The following SCHIP1 variants were observed in gnomAD, a reference collection of about 807,000 sequenced individuals.
SCHIP1 encodes schwannomin-interacting protein 1.
A neutral mutation model predicts 29.7 loss-of-function variants in SCHIP1; 8 were observed. That is an observed-to-expected ratio of 0.27 (90% confidence interval 0.16 to 0.49). SCHIP1 has a LOEUF of 0.49. Among genes scored for constraint, SCHIP1 ranks in the 20% least tolerant of loss-of-function variants. The pLI is 0.99. For synonymous variants in SCHIP1, 76 were observed against 94.9 expected, an observed-to-expected ratio of 0.80 and a Z score of 1.16; for missense variants, 193 against 294.6, an observed-to-expected ratio of 0.66 and a Z score of 2.52.
the SCHIP1 span, among the ~76,000 whole-genome samples, chr3:159,402,526 C>A: frequency 3.3e-5 from 5 of 152,128 alleles, no homozygotes; most frequent in Admixed American, 2.6e-4. Flanking sequence ...GACTTGGAAC[C>A]AACCCAAATG....
chr3:159,812,572 C>G, the SCHIP1 span, among the ~76,000 whole-genome samples: 1 of 151,986 alleles, frequency 6.6e-6, no homozygotes, highest in Admixed American at 6.6e-5. Context: ...CAGTCAGTAC[C>G]GTATGTATAT....
At chr3:159,790,958 A>G in the SCHIP1 span, among the ~76,000 whole-genome samples, 1 of 152,194 alleles carries the variant, frequency 6.6e-6, no homozygotes, top group Non-Finnish European at 1.5e-5. Flanking sequence ...AGAATCCTGC[A>G]ATTATCCTCA....
At chr3:159,721,794 G>C in the SCHIP1 span, 1 of 432,350 alleles carries the variant, frequency 2.3e-6, no homozygotes, top group Non-Finnish European at 4.5e-6. Context: ...CCCCAGCTGG[G>C]CTTTGGCATC....
the SCHIP1 span, among the ~76,000 whole-genome samples, chr3:159,614,392 CTTTT>C: frequency 1.2e-3 from 184 of 152,266 alleles, no homozygotes; most frequent in African/African-American, 4.3e-3. Context: ...GTTTCCCTTT[CTTTT>C]TTGACTACAA....
At chr3:159,277,843 G>T in the SCHIP1 span, among the ~76,000 whole-genome samples, 2 of 151,890 alleles carry the variant, frequency 1.3e-5, no homozygotes, top group African/African-American at 2.4e-5. Context: ...TGAACCCACT[G>T]GGTGGAGGTT....
chr3:159,738,137 G>A, the SCHIP1 span, among the ~76,000 whole-genome samples: 5 of 151,716 alleles, frequency 3.3e-5, 1 homozygote, highest in Middle Eastern at 6.8e-3. Flanking sequence ...TTGTATTTGT[G>A]TCTAATGCAT....
At chr3:159,814,762 C>T in the SCHIP1 span, among the ~76,000 whole-genome samples, 11 of 152,310 alleles carry the variant, frequency 7.2e-5, no homozygotes, top group South Asian at 2.1e-4. Context: ...AAGCTGGAAC[C>T]GGAAGATCTG....
the SCHIP1 span, among the ~76,000 whole-genome samples, chr3:159,626,400 A>G: frequency 6.6e-6 from 1 of 151,640 alleles, no homozygotes; most frequent in Non-Finnish European, 1.5e-5. Flanking sequence ...CTCAGGGGCT[A>G]TATCACTTAC....
chr3:159,278,445 A>AT, the SCHIP1 span, among the ~76,000 whole-genome samples: 1 of 152,238 alleles, frequency 6.6e-6, no homozygotes, highest in African/African-American at 2.4e-5. Context: ...TATCTCTAGC[A>AT]TAGAGATACT....
chr3:159,438,821 C>T, the SCHIP1 span, among the ~76,000 whole-genome samples: 6 of 152,290 alleles, frequency 3.9e-5, no homozygotes, highest in African/African-American at 1.2e-4. Context: ...GACATGATCT[C>T]ATTCCTTTTT....
chr3:159,502,226 T>C, the SCHIP1 span, among the ~76,000 whole-genome samples: 2 of 152,180 alleles, frequency 1.3e-5, no homozygotes, highest in African/African-American at 4.8e-5. Context: ...TGATTACTTC[T>C]GAGGAGGGAG....
chr3:159,428,369 T>C, the SCHIP1 span, among the ~76,000 whole-genome samples: 1 of 150,240 alleles, frequency 6.7e-6, no homozygotes, highest in Non-Finnish European at 1.5e-5. Context: ...AACAACCCCA[T>C]CAAAAAGTGG....
chr3:159,432,586 G>T, the SCHIP1 span, among the ~76,000 whole-genome samples: 2 of 152,088 alleles, frequency 1.3e-5, no homozygotes, highest in Admixed American at 6.6e-5. Flanking sequence ...TGGCAACTAG[G>T]TCTTGAGGTG....
At chr3:159,401,319 ACT>A in the SCHIP1 span, 8 of 939,698 alleles carry the variant, frequency 8.5e-6, 1 homozygote, top group South Asian at 3.9e-4. Context: ...AAATATACAA[ACT>A]CTATCTTTGA....
At chr3:159,288,890 C>T in the SCHIP1 span, among the ~76,000 whole-genome samples, 26 of 152,102 alleles carry the variant, frequency 1.7e-4, no homozygotes, top group Non-Finnish European at 2.9e-4. Flanking sequence ...CTCCATACAC[C>T]GCACCACCTT....
the SCHIP1 span, among the ~76,000 whole-genome samples, chr3:159,298,874 G>A: frequency 6.6e-6 from 1 of 152,208 alleles, no homozygotes; most frequent in East Asian, 1.9e-4. Context: ...TAAGCTAGAT[G>A]GACATTTTGT....
chr3:159,850,780 G>A (rs9820062), intron 1 of SCHIP1, among the ~76,000 whole-genome samples: 8,948 of 151,812 alleles, frequency 0.059, 828 homozygotes, highest in African/African-American at 0.2. Flanking sequence ...CAGATCTCAT[G>A]AGAACTCTTA....
At chr3:159,873,248 T>G (rs1715460239) in intron 2 of SCHIP1, among the ~76,000 whole-genome samples, 1 of 152,218 alleles carries the variant, frequency 6.6e-6, no homozygotes, top group Non-Finnish European at 1.5e-5. Context: ...GATTCCTAAA[T>G]GCTAAGCTTA....
the SCHIP1 span, among the ~76,000 whole-genome samples, chr3:159,492,392 A>T: frequency 6.6e-6 from 1 of 152,254 alleles, no homozygotes; most frequent in Non-Finnish European, 1.5e-5. Context: ...TAACCAATGC[A>T]GAGAAGTCCT....
Sources: gnomAD v4.1 joint callset for allele counts (sites outside exome capture counted in the v4.1 genomes callset) on GRCh38, gnomAD v4.1.1 for gene constraint, MANE v1.5 for transcripts, NCBI Gene and HGNC (gene_info 2026-07-23, HGNC 2026-07-21) for gene names.